Variants in SENP6 observed in about 807,000 individuals in gnomAD.
SENP6 encodes the protein sentrin-specific protease 6.
A neutral mutation model predicts 134.5 loss-of-function variants in SENP6; 41 were observed. The observed-to-expected ratio is 0.30, with a 90% CI of 0.24 to 0.40. The LOEUF (loss-of-function observed/expected upper bound fraction) is 0.40. Among genes scored for constraint, SENP6 ranks in the 10% least tolerant of loss-of-function variants. The probability of loss-of-function intolerance (pLI) is 1.00; values close to 1 mark genes in which losing one functional copy is unlikely to be tolerated. For synonymous variants in SENP6, 395 were observed against 429.8 expected (o/e 0.92, Z 1.00); for missense variants, 1,248 against 1,312.5 (o/e 0.95, Z 0.76).
intron 16 of SENP6, among the ~76,000 whole-genome samples, chr6:75,686,948 G>A (rs1358647714): frequency 6.6e-6 from 1 of 152,188 alleles, no homozygotes; most frequent in Non-Finnish European, 1.5e-5. Context: ...GGCCTGCCTT[G>A]CTAGGCTGGG....
chr6:75,657,674 CG>C (rs1411135899), intron 7 of SENP6, among the ~76,000 whole-genome samples: 3 of 152,164 alleles, frequency 2.0e-5, no homozygotes, highest in Non-Finnish European at 4.4e-5. Flanking sequence ...ATGACTAAAA[CG>C]TAATTTCTGC....
At chr6:75,643,021 TTTGC>T (rs1467629978) in intron 6 of SENP6, among the ~76,000 whole-genome samples, 1 of 152,152 alleles carries the variant, frequency 6.6e-6, no homozygotes, top group Non-Finnish European at 1.5e-5. Context: ...TATAATATAA[TTTGC>T]TTGAGGAAAT....
intron 23 of SENP6, among the ~76,000 whole-genome samples, chr6:75,714,310 T>C (rs934223197): frequency 7.9e-5 from 12 of 152,212 alleles, no homozygotes; most frequent in Admixed American, 4.6e-4. Flanking sequence ...TCTCTTGCTT[T>C]GACTTCAGAG....
rs1329374727 is a variant in SENP6 at position 75,717,162 on chromosome 6, A to G, written c.*1568A>G. 6.6e-6 allele frequency: 1 copy of G among 152,070 alleles called. No homozygotes were observed. The highest frequency in any genetic ancestry group is 1.9e-4 in the East Asian group (1 of 5,206). The allele number at this position is 152,070 out of a possible 1,614,324, so 9.4% of individuals were successfully genotyped here. A position where few individuals can be genotyped will look rare whatever the true frequency, so the allele number is the denominator to read the frequency against. On this transcript the variant is annotated 3_prime_UTR_variant, in exon 24 of 24. Coordinates refer to ENST00000447266, the MANE Select transcript of SENP6 (RefSeq NM_015571.4). ...TCATATGAAAAACAAGTTTAATTTTATTATTTACTGAACATGGCAAAATGC... is the reference window on the plus strand; with the variant it reads ...TCATATGAAAAACAAGTTTAATTTTGTTATTTACTGAACATGGCAAAATGC...
Position 75,666,928 on chromosome 6 carries a change from G to C in SENP6, c.1211G>C (p.Arg404Thr). ...ACAGTTACATTGCCAAGAAAAGCAA[G>C]AATGAAAGACCAGGTACTTTTCACT... ...LNTVTLPRKA[R>T]MKDQFGNSII... The change falls in exon 10 of 24, where the codon AGA becomes ACA. Residue 404 changes from arginine to threonine, a missense_variant. Transcript: ENST00000447266. 1 of 1,598,090 alleles carries C rather than the reference G, an allele frequency of 6.3e-7. No individual in the cohort carries two copies. Among genetic ancestry groups the C allele is most frequent in the East Asian group, 2.2e-5 (1 of 44,710 alleles).
At chr6:75,675,690 T>A (rs1490541513) in intron 12 of SENP6, 170 bp from the exon 13 acceptor site, 1 of 808,220 alleles carries the variant, frequency 1.2e-6, no homozygotes, top group Non-Finnish European at 2.0e-6. Context: ...TAAAAAAGTT[T>A]CTTTAAGGCA....
chr6:75,665,487 T>A (rs1772131388), intron 9 of SENP6, among the ~76,000 whole-genome samples: 1 of 152,168 alleles, frequency 6.6e-6, no homozygotes, highest in South Asian at 2.1e-4. Flanking sequence ...TTATGTAAAT[T>A]TACAAACCAT....
chr6:75,619,443 CTATGTGTG>C (rs1561970735), intron 1 of SENP6, among the ~76,000 whole-genome samples: 1 of 72,706 alleles, frequency 1.4e-5, no homozygotes, highest in African/African-American at 4.7e-5. Flanking sequence ...TCCGTTGTGT[CTATGTGTG>C]TGTGTGTGTG....
intron 19 of SENP6, among the ~76,000 whole-genome samples, chr6:75,703,318 T>A (rs1775170789): frequency 6.6e-6 from 1 of 152,120 alleles, no homozygotes; most frequent in Non-Finnish European, 1.5e-5. Context: ...AGAAAATTTT[T>A]AAAGAATTTA....
At chr6:75,691,623 G>A (rs761266285) in intron 16 of SENP6, among the ~76,000 whole-genome samples, 14 of 150,384 alleles carry the variant, frequency 9.3e-5, no homozygotes, top group African/African-American at 1.7e-4. Context: ...TTTTTGAGAC[G>A]GAGCCTCGCT....
chr6:75,695,527 A>G (rs1433941985), intron 16 of SENP6, among the ~76,000 whole-genome samples: 2 of 152,196 alleles, frequency 1.3e-5, no homozygotes, highest in African/African-American at 2.4e-5. Context: ...ACTTGAGGTC[A>G]GGAGTTCGAG....
intron 7 of SENP6, among the ~76,000 whole-genome samples, chr6:75,655,481 G>A (rs1428342679): frequency 1.3e-5 from 2 of 152,106 alleles, no homozygotes; most frequent in East Asian, 1.9e-4. Flanking sequence ...CCCCTCAAAT[G>A]TAACCATTGT....
intron 1 of SENP6, among the ~76,000 whole-genome samples, chr6:75,615,810 C>T (rs975304597): frequency 6.6e-6 from 1 of 152,084 alleles, no homozygotes; most frequent in African/African-American, 2.4e-5. Flanking sequence ...AAATTAGTGG[C>T]GAAGCCTTCT....
chr6:75,698,306 AAAG>A (rs1219312607), intron 18 of SENP6, among the ~76,000 whole-genome samples: 2 of 152,216 alleles, frequency 1.3e-5, no homozygotes, highest in Non-Finnish European at 1.5e-5. Flanking sequence ...ACTCATTAAT[AAAG>A]AAGAAGAATG....
intron 18 of SENP6, among the ~76,000 whole-genome samples, chr6:75,699,027 A>G (rs1774843168): frequency 6.6e-6 from 1 of 151,950 alleles, no homozygotes; most frequent in South Asian, 2.1e-4. Flanking sequence ...AAAAAAAGGA[A>G]AAGAAAAAAA....
At chr6:75,708,622 C>T (rs898801753) in intron 19 of SENP6, among the ~76,000 whole-genome samples, 6 of 152,076 alleles carry the variant, frequency 3.9e-5, no homozygotes, top group African/African-American at 7.2e-5. Context: ...AGGCCAGGCA[C>T]GGTGGCTCAT....
At chr6:75,661,180 A>G (rs1771747561) in intron 8 of SENP6, among the ~76,000 whole-genome samples, 1 of 152,224 alleles carries the variant, frequency 6.6e-6, no homozygotes, top group South Asian at 2.1e-4. Flanking sequence ...ATTCCAGTCC[A>G]ACACTGAGTT....
intron 6 of SENP6, among the ~76,000 whole-genome samples, chr6:75,644,475 C>CTTTT (rs71002753): frequency 2.8e-5 from 4 of 143,490 alleles, no homozygotes; most frequent in East Asian, 2.0e-4. Context: ...TTCTTTCTTT[C>CTTTT]TTTTTTTTTT....
intron 5 of SENP6, among the ~76,000 whole-genome samples, chr6:75,636,418 T>A (rs534820753): frequency 7.9e-4 from 120 of 152,258 alleles, no homozygotes; most frequent in African/African-American, 2.8e-3. Context: ...CAAAGACAAG[T>A]CATTGAGAGT....
Sources: gnomAD v4.1 joint callset for allele counts (sites outside exome capture counted in the v4.1 genomes callset) on GRCh38, gnomAD v4.1.1 for gene constraint, MANE v1.5 for transcripts, NCBI Gene and HGNC (gene_info 2026-07-23, HGNC 2026-07-21) for gene names.